The following METTL13 variants were observed in gnomAD, a reference collection of about 807,000 sequenced individuals.
METTL13 encodes methyltransferase 13, eEF1A N-terminus and K55.
METTL13 carries 52 observed loss-of-function variants against 67.4 expected under a neutral mutation model. The observed-to-expected ratio is 0.77, with a 90% CI of 0.62 to 0.97. The LOEUF (loss-of-function observed/expected upper bound fraction) is 0.97. Among genes scored for constraint, METTL13 ranks in the 50% least tolerant of loss-of-function variants. The probability of loss-of-function intolerance (pLI) is 0.00; values close to 1 mark genes in which losing one functional copy is unlikely to be tolerated. For synonymous variants in METTL13, 354 were observed against 353.6 expected, an observed-to-expected ratio of 1.00 and a Z score of -0.01; for missense variants, 825 against 889.6, an observed-to-expected ratio of 0.93 and a Z score of 0.92.
intron 3 of METTL13, 145 bp from the exon 4 acceptor site, chr1:171,787,590 C>G (rs1657059584): frequency 1.4e-6 from 1 of 702,642 alleles, no homozygotes; most frequent in African/African-American, 1.8e-5. Flanking sequence ...CAGAAAAGTA[C>G]TTTAATAGAA....
rs942514741 is a variant in METTL13, at chr1:171,781,778, C to T, written c.-190C>T. On this transcript the variant is annotated 5_prime_UTR_variant, in exon 1 of 8. Transcript: ENST00000361735. Reference sequence around the variant, plus strand: ...CAAGCGTGTGTGAGATTCAGTGGTCCATGCGTGCGTTTGTCGTGTAAGGGT... The same window carrying T: ...CAAGCGTGTGTGAGATTCAGTGGTCTATGCGTGCGTTTGTCGTGTAAGGGT... 2 of 1,407,162 alleles carry T rather than the reference C, an allele frequency of 1.4e-6. No individual in the cohort carries two copies. The highest frequency in any genetic ancestry group is 1.5e-5 in the African/African-American group (1 of 68,886). 87.2% of individuals were successfully genotyped at this position (1,407,162 alleles called of 1,614,324 possible).
At position 171,781,753 on chromosome 1, in the gene METTL13, C is replaced by T. The variant is rs2124894092; in HGVS notation, c.-215C>T. 8 of 1,370,946 alleles carry T rather than the reference C, an allele frequency of 5.8e-6. No homozygotes were observed. In the East Asian group the frequency reaches 1.4e-4, roughly 25 times the overall value. The allele number at this position is 1,370,946 out of a possible 1,614,324, so 84.9% of individuals were successfully genotyped here. On this transcript the variant is annotated 5_prime_UTR_variant, in exon 1 of 8. Transcript: ENST00000361735. ...GGAACAGCAGGCGCGGAGGAGGGGG[C>T]AAGCGTGTGTGAGATTCAGTGGTCC...
chr1:171,788,715 G>A (rs998731049), intron 4 of METTL13, among the ~76,000 whole-genome samples: 10 of 152,184 alleles, frequency 6.6e-5, no homozygotes, highest in East Asian at 3.8e-4. Context: ...TATAGACCGC[G>A]AAAAGTGAAT....
Position 171,792,099 on chromosome 1 carries a change from C to A in METTL13, c.1557C>A (p.Cys519Ter). The A allele has an allele frequency of 6.2e-7, 1 of 1,614,046 alleles. No individual in the cohort carries two copies. The highest frequency in any genetic ancestry group is 8.5e-7 in the Non-Finnish European group (1 of 1,180,048). ...TCCACGATCATTTTCCAAAGTCCTG[C>A]ATTGATGCTGTGGAGATCGATCCCT... is the stretch of plus-strand genomic sequence containing the variant. ...LFVHDHFPKS[C>*]IDAVEIDPSM... Residue 519 changes from cysteine to a stop codon, truncating the protein, a stop_gained, in exon 6 of 8, where the codon TGC becomes TGA. Coordinates refer to ENST00000361735, the MANE Select transcript of METTL13 (RefSeq NM_015935.5). LOFTEE classifies it high-confidence loss of function.
chr1:171,790,801 A>G (rs1657181097), intron 5 of METTL13, 185 bp downstream of exon 5: 1 of 543,080 alleles, frequency 1.8e-6, no homozygotes, highest in Non-Finnish European at 2.9e-6. Context: ...TCAACCTGTT[A>G]TATTGAAATT....
At chr1:171,794,743 C>G (rs964048410) in intron 7 of METTL13, among the ~76,000 whole-genome samples, 3 of 152,140 alleles carry the variant, frequency 2.0e-5, no homozygotes, top group African/African-American at 7.2e-5. Flanking sequence ...TAATCACTGT[C>G]TTAACATTTG....
chr1:171,782,945 A>G (rs1656875396), intron 1 of METTL13, among the ~76,000 whole-genome samples: 1 of 152,194 alleles, frequency 6.6e-6, no homozygotes, highest in South Asian at 2.1e-4. Context: ...TTATGTGCCA[A>G]GCCTTATGTT....
chr1:171,797,492 A>C lies in METTL13; in HGVS notation c.*736A>C, dbSNP rs887877510. The C allele has an allele frequency of 1.3e-5, 2 of 152,254 alleles. No individual in the cohort carries two copies. Among genetic ancestry groups the C allele is most frequent in the African/African-American group, 4.8e-5 (2 of 41,444 alleles). The allele number at this position is 152,254 out of a possible 1,614,324, so 9.4% of individuals were successfully genotyped here. ...GAGTGACAGCTATGTGCCAGACTGC[A>C]TAAAGGGTGGTGGCAGAAGTGAAAA... On this transcript the variant is annotated 3_prime_UTR_variant, in exon 8 of 8. Transcript: ENST00000361735.
Position 171,796,888 on chromosome 1 carries a change from C to A in METTL13, c.*132C>A. 8.2e-7 allele frequency: 1 copy of A among 1,220,968 alleles called. No individual in the cohort carries two copies. The highest frequency in any genetic ancestry group is 1.1e-6 in the Non-Finnish European group (1 of 889,224). 75.6% of individuals were successfully genotyped at this position (1,220,968 alleles called of 1,614,324 possible). ...TGGTTTCACACTCAGCTACATGTGACCTCCAGCTTGGTGAGGTTGCCTGAA... is the reference window on the plus strand; with the variant it reads ...TGGTTTCACACTCAGCTACATGTGAACTCCAGCTTGGTGAGGTTGCCTGAA... On this transcript the variant is annotated 3_prime_UTR_variant, in exon 8 of 8. Coordinates refer to ENST00000361735, the MANE Select transcript of METTL13 (RefSeq NM_015935.5).
At chr1:171,790,378 GCA>G (rs1657163566) in intron 4 of METTL13, 72 bp from the exon 5 acceptor site, 3 of 1,391,330 alleles carry the variant, frequency 2.2e-6, no homozygotes. Context: ...GCCATCTGGA[GCA>G]CACTGCTGCC....
intron 7 of METTL13, among the ~76,000 whole-genome samples, chr1:171,795,847 G>A (rs960331907): frequency 4.6e-5 from 7 of 152,216 alleles, no homozygotes; most frequent in South Asian, 2.1e-4. Context: ...TTTTACTTTC[G>A]TAGGGAATCA....
intron 6 of METTL13, among the ~76,000 whole-genome samples, chr1:171,792,514 TCCTCAC>T (rs1396723970): frequency 6.6e-6 from 1 of 152,250 alleles, no homozygotes; most frequent in African/African-American, 2.4e-5. Flanking sequence ...CCTTGTCATT[TCCTCAC>T]CATCTTAAGA....
rs1656903110 is a variant in METTL13 at position 171,783,736 on chromosome 1, C to G, written c.154-4C>G. 6.3e-7 allele frequency: 1 copy of G among 1,593,886 alleles called. No individual in the cohort carries two copies. The highest frequency in any genetic ancestry group is 2.2e-5 in the East Asian group (1 of 44,696). ...TCCCTCTTGTCTGTGAATTTTTTCT[C>G]CAGGTGCTGGTGATTGGGTGTGGCA... On this transcript the variant is annotated splice_region_variant and splice_polypyrimidine_tract_variant and intron_variant, in intron 1 of 7. Transcript: ENST00000361735.
In METTL13 at chr1:171,782,139, T is replaced by G. The variant is rs1055506746; in HGVS notation, c.153+19T>G. 4 of 1,606,660 alleles carry G rather than the reference T, an allele frequency of 2.5e-6. No homozygotes were observed. Among genetic ancestry groups the G allele is most frequent in the African/African-American group, 1.3e-5 (1 of 74,736 alleles). ...GGAAAAGGTGAGGAGCGCGGGTTGG[T>G]AGCCCTTCGTACGTGCTCCGGAAGG... On this transcript the variant is annotated intron_variant, in intron 1 of 7. Coordinates refer to ENST00000361735, the MANE Select transcript of METTL13 (RefSeq NM_015935.5).
intron 5 of METTL13, 57 bp downstream of exon 5, chr1:171,790,673 C>T (rs1657176985): frequency 7.2e-7 from 1 of 1,386,680 alleles, no homozygotes. Context: ...CAGACCTAAA[C>T]AATTGGTGTC....
At chr1:171,787,504 G>C (rs1182764774) in intron 3 of METTL13, among the ~76,000 whole-genome samples, 1 of 152,122 alleles carries the variant, frequency 6.6e-6, no homozygotes, top group East Asian at 1.9e-4. Context: ...CATCTCACTA[G>C]TTGTTTGGGA....
In METTL13 at chr1:171,796,622, C is replaced by G. The variant is rs1372227478; in HGVS notation, c.1966C>G (p.Pro656Ala). 1.1e-5 allele frequency: 18 copies of G among 1,614,044 alleles called. No individual in the cohort carries two copies. Among genetic ancestry groups the G allele is most frequent in the African/African-American group, 2.7e-5 (2 of 74,920 alleles). Residue 656 changes from proline (P) to alanine (A), a missense_variant, in exon 8 of 8, where the codon CCT becomes GCT. Transcript: ENST00000361735. ...TGAGATCCTGTTCTGTCAGCTGCAC[C>G]CTGAGCAAAAACTTGCCACACCAGA... ...VNEILFCQLH[P>A]EQKLATPELL...
At chr1:171,790,719 T>C (rs1234665938) in intron 5 of METTL13, 103 bp downstream of exon 5, 2 of 1,217,502 alleles carry the variant, frequency 1.6e-6, no homozygotes, top group Non-Finnish European at 2.2e-6. Context: ...AATTACAAGC[T>C]GACAATGTAT....
At chr1:171,792,340 A>AC in intron 6 of METTL13, 105 bp downstream of exon 6, 1 of 1,258,732 alleles carries the variant, frequency 7.9e-7, no homozygotes, top group Non-Finnish European at 1.1e-6. Context: ...TGGCATGAGT[A>AC]TCGTTCCAGT....
Sources: gnomAD v4.1 joint callset for allele counts (sites outside exome capture counted in the v4.1 genomes callset) on GRCh38, gnomAD v4.1.1 for gene constraint, MANE v1.5 for transcripts, NCBI Gene and HGNC (gene_info 2026-07-23, HGNC 2026-07-21) for gene names.